The following PUDP variants were observed in gnomAD, a reference collection of about 807,000 sequenced individuals.
The protein encoded by PUDP is pseudouridine-5'-phosphatase.
A neutral mutation model predicts 9.4 loss-of-function variants in PUDP; 8 were observed. The ratio of observed to expected loss-of-function variants is 0.85; its 90% CI spans 0.50 to 1.53. The LOEUF is 1.53. Among genes scored for constraint, PUDP ranks in the 40% most tolerant of loss-of-function variants. The pLI, the probability that PUDP is intolerant of heterozygous loss-of-function variation, is 0.00. For synonymous variants in PUDP, 99 were observed against 80.7 expected (o/e 1.23, Z -1.22); for missense variants, 188 against 189.7 (o/e 0.99, Z 0.05).
chrX:6,978,594 C>T (rs759155302), intron 1 of PUDP, among the ~76,000 whole-genome samples: 38 of 111,076 alleles, frequency 3.4e-4, no homozygotes, highest in Middle Eastern at 4.6e-3. Flanking sequence ...AGACAGATGA[C>T]GTAACAAAAA....
chrX:6,748,523 T>C (rs763142036), intron 3 of PUDP, among the ~76,000 whole-genome samples: 25 of 111,208 alleles, frequency 2.2e-4, no homozygotes, highest in African/African-American at 2.9e-4. Context: ...CTTAAATAAA[T>C]GCAAAAATCC....
intron 3 of PUDP, among the ~76,000 whole-genome samples, chrX:6,968,190 T>G (rs1928815335): frequency 8.9e-6 from 1 of 112,220 alleles, no homozygotes; most frequent in African/African-American, 3.2e-5. Context: ...CAGTGAAACT[T>G]CAGGGGACCC....
chrX:7,057,711 G>T (rs5978220), intron 3 of PUDP: 360,405 of 1,148,627 alleles, frequency 0.31, 39,241 homozygotes, highest in Middle Eastern at 0.45. Flanking sequence ...GTGCGGTCAG[G>T]TGTCATCAGA....
intron 1 of PUDP, among the ~76,000 whole-genome samples, chrX:7,126,622 C>T: frequency 9.0e-6 from 1 of 111,018 alleles, no homozygotes; most frequent in African/African-American, 3.3e-5. Context: ...CGTGGTTGTC[C>T]GTAGTGTGTC....
At chrX:7,060,721 T>C (rs1192210622) in intron 3 of PUDP, among the ~76,000 whole-genome samples, 1 of 112,756 alleles carries the variant, frequency 8.9e-6, no homozygotes, top group Non-Finnish European at 1.9e-5. Context: ...TTTGCCTTGT[T>C]TTCTTGAACT....
chrX:6,897,863 C>T lies in PUDP; in HGVS notation c.*247+79270G>A, dbSNP rs779584650. The stretch of plus-strand genomic sequence containing the variant: ...ACTATCACCTTAGGGGTGAGGATTT[C>T]AACATCAAAAACTTGCAGGGGACAC... On this transcript the variant is annotated intron_variant and NMD_transcript_variant, in intron 3 of 3. Coordinates refer to the PUDP transcript ENST00000655425. Among the ~76,000 whole-genome samples the T allele has an allele frequency of 3.6e-5, 4 of 111,335 alleles. No homozygotes were observed. In the East Asian group the frequency reaches 1.1e-3, roughly 31 times the overall value.
At chrX:6,801,442 G>T (rs1925931453) in intron 3 of PUDP, among the ~76,000 whole-genome samples, 2 of 112,355 alleles carry the variant, frequency 1.8e-5, no homozygotes, top group African/African-American at 6.5e-5. Flanking sequence ...CTGAGCAAAG[G>T]AGTAGGGTTC....
chrX:6,721,847 G>A (rs1268261259), upstream of PUDP, among the ~76,000 whole-genome samples: 1 of 111,829 alleles, frequency 8.9e-6, no homozygotes, highest in Non-Finnish European at 1.9e-5. Flanking sequence ...TGGAATGTAA[G>A]TGGCCAAGAA....
chrX:6,778,046 T>C (rs1336376602), intron 3 of PUDP, among the ~76,000 whole-genome samples: 1 of 112,004 alleles, frequency 8.9e-6, no homozygotes. Flanking sequence ...CCAGTAAAGA[T>C]GCATTTTGAA....
At chrX:6,819,687 T>A (rs1231755156) in intron 3 of PUDP, among the ~76,000 whole-genome samples, 1 of 112,212 alleles carries the variant, frequency 8.9e-6, no homozygotes, top group African/African-American at 3.2e-5. Flanking sequence ...ATCGTAGGGA[T>A]CTGACAGGGG....
chrX:7,010,729 C>A (rs979571336), intron 1 of PUDP, among the ~76,000 whole-genome samples: 1 of 111,713 alleles, frequency 9.0e-6, no homozygotes, highest in African/African-American at 3.3e-5. Flanking sequence ...GAGATCTGGA[C>A]ATCAGGATGT....
In PUDP at chrX:7,050,275, G is replaced by A. The variant is rs373339761; in HGVS notation, c.*21C>T. The A allele has an allele frequency of 1.8e-5, 22 of 1,199,344 alleles. No individual in the cohort carries two copies. In the Admixed American group the frequency reaches 2.9e-4, roughly 16 times the overall value. On this transcript the variant is annotated 3_prime_UTR_variant, in exon 4 of 4. Transcript: ENST00000381077. ...TGGACCATGAGAGTGGGCTGGGGGC[G>A]GAAGACTGAGGCCCTCCCTCTCACT...
intron 1 of PUDP, among the ~76,000 whole-genome samples, chrX:7,127,695 T>C (rs1932518930): frequency 8.9e-6 from 1 of 112,516 alleles, no homozygotes; most frequent in Non-Finnish European, 1.9e-5. Context: ...TTATTACTTG[T>C]ACTTTTTAAT....
intron 1 of PUDP, among the ~76,000 whole-genome samples, chrX:7,030,391 T>C (rs979109434): frequency 8.9e-6 from 1 of 111,815 alleles, no homozygotes; most frequent in Non-Finnish European, 1.9e-5. Flanking sequence ...CGCGATGGAA[T>C]GAGATTGGGG....
In PUDP at chrX:7,049,759, T is replaced by C. The variant is rs1244807618; in HGVS notation, c.*537A>G. 1 of 112,362 alleles carries C rather than the reference T, an allele frequency of 8.9e-6. No homozygotes were observed. Among genetic ancestry groups the C allele is most frequent in the African/African-American group, 3.2e-5 (1 of 30,884 alleles). The allele number at this position is 112,362 out of a possible 1,213,427, so 9.3% of individuals were successfully genotyped here. On this transcript the variant is annotated 3_prime_UTR_variant, in exon 4 of 4. Transcript: ENST00000381077. ...AGGAGAGTGATGCAGACGATAGATA[T>C]AAACATATCTACATACATATGCATA...
intron 3 of PUDP, among the ~76,000 whole-genome samples, chrX:6,959,325 C>T (rs2146787066): frequency 9.0e-6 from 1 of 111,537 alleles, no homozygotes; most frequent in Non-Finnish European, 1.9e-5. Flanking sequence ...CTGCCCTGCA[C>T]CACCTGAAGT....
chrX:7,035,393 TAA>T (rs1006254894), intron 1 of PUDP, among the ~76,000 whole-genome samples: 2 of 112,078 alleles, frequency 1.8e-5, no homozygotes, highest in African/African-American at 6.5e-5. Context: ...TTGCCTGATA[TAA>T]GTTTTAAAAC....
Position 6,793,018 on chromosome X carries a change from C to G in PUDP, c.*248-86552G>C, listed in dbSNP as rs1195899254. Among the ~76,000 whole-genome samples the G allele has an allele frequency of 3.6e-5, 4 of 112,574 alleles. No homozygotes were observed. In the East Asian group the frequency reaches 1.1e-3, roughly 32 times the overall value. ...TGTTCGTGCAGCTATAGCACTCACT[C>G]TGGACTGGGTAATTTATAAAGAGTA... is the stretch of plus-strand genomic sequence containing the variant. On this transcript the variant is annotated intron_variant and NMD_transcript_variant, in intron 3 of 3. Transcript: ENST00000655425.
At chrX:7,069,922 T>A (rs777554935) in intron 3 of PUDP, among the ~76,000 whole-genome samples, 9 of 112,597 alleles carry the variant, frequency 8.0e-5, no homozygotes, top group Non-Finnish European at 1.7e-4. Context: ...TATTCTTCTG[T>A]GTGTCCTTCT....
Sources: allele counts gnomAD v4.1 joint callset (sites outside exome capture counted in the v4.1 genomes callset), GRCh38; gene constraint gnomAD v4.1.1; transcripts MANE v1.5; gene names NCBI Gene and HGNC (gene_info 2026-07-23, HGNC 2026-07-21).